Variants in CHST8 observed in about 807,000 individuals in gnomAD.
CHST8 encodes GALNAC-4-ST1.
Under a neutral mutation model 15.0 loss-of-function variants are expected in CHST8, and 10 were observed. The ratio of observed to expected loss-of-function variants is 0.67; its 90% CI spans 0.41 to 1.13. The LOEUF is 1.13. Ranked by LOEUF, CHST8 falls within the 50% of genes most tolerant of loss-of-function variation. CHST8 has a pLI of 0.00. For missense variants in CHST8, 634 were observed against 608.2 expected (o/e 1.04, Z -0.45); for synonymous variants, 259 against 256.6 (o/e 1.01, Z -0.09).
Position 33,772,716 on chromosome 19 carries a change from G to T in CHST8, c.928G>T (p.Glu310Ter), listed in dbSNP as rs371114438. ...LRTGSGVRFP[E>*]FVQYLLDVHR... ...GACCGGCTCTGGGGTGCGTTTTCCC[G>T]AGTTCGTCCAGTACCTGCTGGACGT... is the stretch of plus-strand genomic sequence containing the variant. The change falls in exon 5 of 5, where the codon GAG becomes TAG. Residue 310 changes from glutamate (E) to a stop codon, truncating the protein, a stop_gained. Coordinates refer to ENST00000650847, the MANE Select transcript of CHST8 (RefSeq NM_001127895.2). LOFTEE classifies it high-confidence loss of function. 9 of 1,613,342 alleles carry T rather than the reference G, an allele frequency of 5.6e-6. No homozygotes were observed. The highest frequency in any genetic ancestry group is 7.6e-6 in the Non-Finnish European group (9 of 1,179,946).
At chr19:33,656,349 A>C (rs750275679) in intron 1 of CHST8, among the ~76,000 whole-genome samples, 6 of 152,216 alleles carry the variant, frequency 3.9e-5, no homozygotes, top group Non-Finnish European at 8.8e-5. Context: ...CCCATCAGTT[A>C]TAAGAAGCAT....
intron 1 of CHST8, among the ~76,000 whole-genome samples, chr19:33,665,107 A>G (rs1218114378): frequency 2.0e-5 from 3 of 152,184 alleles, no homozygotes; most frequent in African/African-American, 7.2e-5. Context: ...TCTTTTGGAT[A>G]TATACCCAGG....
chr19:33,708,969 T>C (rs975103350), intron 3 of CHST8, among the ~76,000 whole-genome samples: 6 of 152,258 alleles, frequency 3.9e-5, no homozygotes, highest in African/African-American at 1.4e-4. Flanking sequence ...TATTCCTAAG[T>C]ATTTTACTCT....
At chr19:33,713,406 C>T (rs1973598273) in intron 3 of CHST8, among the ~76,000 whole-genome samples, 1 of 152,082 alleles carries the variant, frequency 6.6e-6, no homozygotes, top group South Asian at 2.1e-4. Context: ...GTGACATTCT[C>T]ATGAACGCCA....
chr19:33,666,701 T>G (rs1972666471), intron 1 of CHST8, among the ~76,000 whole-genome samples: 1 of 152,118 alleles, frequency 6.6e-6, no homozygotes, highest in Non-Finnish European at 1.5e-5. Context: ...TTTTTCTTTT[T>G]CTTTCTTTCT....
chr19:33,681,045 C>A (rs1193727190), intron 2 of CHST8, among the ~76,000 whole-genome samples: 1 of 152,146 alleles, frequency 6.6e-6, no homozygotes, highest in South Asian at 2.1e-4. Flanking sequence ...TTGATACGGT[C>A]GAGATAGAGA....
rs185408643 is a variant in CHST8 at position 33,748,046 on chromosome 19, G to A, written c.131-23367G>A. Among the ~76,000 whole-genome samples the A allele has an allele frequency of 2.6e-5, 4 of 152,244 alleles. No individual in the cohort carries two copies. In the East Asian group the frequency reaches 7.7e-4, roughly 29 times the overall value. On this transcript the variant is annotated intron_variant, in intron 3 of 4. Coordinates refer to ENST00000650847, the MANE Select transcript of CHST8 (RefSeq NM_001127895.2). The stretch of plus-strand genomic sequence containing the variant: ...GGCAGGAAGAGGAGGTGGATGAGGG[G>A]CTGTCCACAGAGCTGTCCCGTCCAG...
At chr19:33,712,054 A>G (rs907473380) in intron 3 of CHST8, among the ~76,000 whole-genome samples, 1 of 152,238 alleles carries the variant, frequency 6.6e-6, no homozygotes, top group Non-Finnish European at 1.5e-5. Context: ...TTATGTTGTT[A>G]GGGAAGACAA....
intron 3 of CHST8, among the ~76,000 whole-genome samples, chr19:33,741,274 T>TCCAGCCTGTTGTATGTCAGGTTCC (rs533483969): frequency 0.021 from 3,262 of 152,256 alleles, 53 homozygotes; most frequent in Non-Finnish European, 0.027. Flanking sequence ...TGCGTTTTAT[T>TCCAGCCTGTTGTATGTCAGGTTCC]CCAGCCTGTT....
chr19:33,650,513 CTTTTCTTTT>C (rs1972428408), intron 1 of CHST8, among the ~76,000 whole-genome samples: 8 of 36,864 alleles, frequency 2.2e-4, no homozygotes, highest in African/African-American at 9.3e-4. Flanking sequence ...TTTTCTTTTT[CTTTTCTTTT>C]TTTTTTTTTT....
At chr19:33,743,260 T>A (rs1974233588) in intron 3 of CHST8, among the ~76,000 whole-genome samples, 1 of 152,090 alleles carries the variant, frequency 6.6e-6, no homozygotes, top group Non-Finnish European at 1.5e-5. Context: ...TTTGGGAGCC[T>A]TTTGATCTCT....
intron 1 of CHST8, among the ~76,000 whole-genome samples, chr19:33,651,465 T>C (rs773193633): frequency 1.6e-4 from 24 of 152,242 alleles, no homozygotes; most frequent in Non-Finnish European, 3.2e-4. Flanking sequence ...AATGTGTTTT[T>C]TTCTCTTTTG....
At chr19:33,688,712 C>A (rs2145256033) in intron 2 of CHST8, among the ~76,000 whole-genome samples, 1 of 152,290 alleles carries the variant, frequency 6.6e-6, no homozygotes, top group East Asian at 1.9e-4. Context: ...CAGTGCCCTA[C>A]AGAGAGAAGC....
chr19:33,674,042 C>T (rs1972778131), intron 2 of CHST8, among the ~76,000 whole-genome samples: 1 of 152,208 alleles, frequency 6.6e-6, no homozygotes, highest in African/African-American at 2.4e-5. Context: ...GCATAAGCCA[C>T]CGCACCCAGC....
chr19:33,687,132 G>C (rs1181576227), intron 2 of CHST8, among the ~76,000 whole-genome samples: 1 of 152,270 alleles, frequency 6.6e-6, no homozygotes, highest in Non-Finnish European at 1.5e-5. Context: ...CTGAGGCTTT[G>C]GGGCTGGCCC....
At chr19:33,750,508 T>A (rs980233781) in intron 3 of CHST8, among the ~76,000 whole-genome samples, 1 of 151,604 alleles carries the variant, frequency 6.6e-6, no homozygotes, top group African/African-American at 2.4e-5. Context: ...CCCGCCCCTG[T>A]ATCCCCCACC....
intron 3 of CHST8, among the ~76,000 whole-genome samples, chr19:33,706,762 G>A (rs576049640): frequency 2.0e-5 from 3 of 152,196 alleles, no homozygotes; most frequent in African/African-American, 4.8e-5. Flanking sequence ...GCCAGAAGTA[G>A]CGGCAGTAAT....
chr19:33,721,509 G>T (rs1973788025), intron 3 of CHST8, among the ~76,000 whole-genome samples: 2 of 152,016 alleles, frequency 1.3e-5, no homozygotes, highest in Admixed American at 1.3e-4. Flanking sequence ...AAGATGGATG[G>T]ATGGATGGGT....
chr19:33,698,048 C>T (rs886800148), intron 3 of CHST8, among the ~76,000 whole-genome samples: 6 of 151,962 alleles, frequency 3.9e-5, no homozygotes, highest in Admixed American at 1.3e-4. Context: ...GAGGCTGAGG[C>T]GGTGGATCAC....
Sources: allele counts gnomAD v4.1 joint callset (sites outside exome capture counted in the v4.1 genomes callset), GRCh38; gene constraint gnomAD v4.1.1; transcripts MANE v1.5; gene names NCBI Gene and HGNC (gene_info 2026-07-23, HGNC 2026-07-21).